Variants in AKAP19 observed in about 807,000 individuals in gnomAD.
AKAP19 encodes small A-kinase anchoring protein.
At chr2:189,964,301 A>G in the AKAP19 span, among the ~76,000 whole-genome samples, 1 of 152,184 alleles carries the variant, frequency 6.6e-6, no homozygotes, top group Non-Finnish European at 1.5e-5. Flanking sequence ...TGCTCTAAAC[A>G]GATGTACTGT....
the AKAP19 span, among the ~76,000 whole-genome samples, chr2:190,186,772 C>A: frequency 4.2e-4 from 64 of 152,238 alleles, no homozygotes; most frequent in African/African-American, 1.5e-3. The surrounding 1 kb of genome is among the most constrained non-coding windows in gnomAD (Gnocchi z 5.5). Context: ...TTCTTAGTAT[C>A]CATTATTAGA....
At chr2:190,062,362 G>A in the AKAP19 span, 1 of 1,613,380 alleles carries the variant, frequency 6.2e-7, no homozygotes, top group Non-Finnish European at 8.5e-7. Context: ...GGTAAAAGTT[G>A]TCTTATAACA....
At chr2:189,958,687 C>T in the AKAP19 span, among the ~76,000 whole-genome samples, 1 of 148,268 alleles carries the variant, frequency 6.7e-6, no homozygotes, top group Admixed American at 6.7e-5. Context: ...TATAAAGAAC[C>T]GAAAAAAAAA....
the AKAP19 span, among the ~76,000 whole-genome samples, chr2:190,126,962 G>A: frequency 6.6e-6 from 1 of 152,040 alleles, no homozygotes; most frequent in South Asian, 2.1e-4. Context: ...AAGCTTAGTG[G>A]AAGCCAGCTG....
At chr2:190,018,654 A>G in the AKAP19 span, among the ~76,000 whole-genome samples, 1 of 151,938 alleles carries the variant, frequency 6.6e-6, no homozygotes, top group African/African-American at 2.4e-5. Context: ...TGCAGGGTCT[A>G]TTTTGGGGGC....
At chr2:190,123,139 G>A in the AKAP19 span, among the ~76,000 whole-genome samples, 1 of 152,068 alleles carries the variant, frequency 6.6e-6, no homozygotes, top group Non-Finnish European at 1.5e-5. Context: ...AAGAAATATA[G>A]CATAAGAACT....
At chr2:189,934,399 TCTAAA>T in the AKAP19 span, among the ~76,000 whole-genome samples, 2 of 152,074 alleles carry the variant, frequency 1.3e-5, no homozygotes, top group African/African-American at 4.8e-5. Flanking sequence ...TGGCCTTTAT[TCTAAA>T]CTAATTTTTG....
the AKAP19 span, among the ~76,000 whole-genome samples, chr2:190,174,644 G>A: frequency 0.12 from 18,543 of 152,022 alleles, 1,318 homozygotes; most frequent in Middle Eastern, 0.26. Context: ...ATACTGAAAG[G>A]CACATATGCC....
the AKAP19 span, among the ~76,000 whole-genome samples, chr2:189,939,931 G>T: frequency 5.9e-5 from 9 of 152,052 alleles, no homozygotes; most frequent in East Asian, 1.9e-4. Context: ...GGATCAGGCT[G>T]GTCAGGAGTT....
At chr2:189,997,853 G>C in the AKAP19 span, among the ~76,000 whole-genome samples, 1 of 152,124 alleles carries the variant, frequency 6.6e-6, no homozygotes, top group Admixed American at 6.5e-5. Context: ...ACAAAGTTCG[G>C]TTGAAAGTTT....
the AKAP19 span, among the ~76,000 whole-genome samples, chr2:189,907,688 G>C: frequency 1.3e-5 from 2 of 151,928 alleles, no homozygotes; most frequent in African/African-American, 4.8e-5. Flanking sequence ...TTGAACAATA[G>C]TGATTTTGTC....
chr2:190,013,906 A>G, the AKAP19 span, among the ~76,000 whole-genome samples: 4 of 151,728 alleles, frequency 2.6e-5, no homozygotes, highest in Non-Finnish European at 4.4e-5. Flanking sequence ...GATTTTTTCT[A>G]TTGTTTTTCT....
the AKAP19 span, among the ~76,000 whole-genome samples, chr2:190,003,850 G>A: frequency 1.3e-5 from 2 of 151,944 alleles, no homozygotes; most frequent in Admixed American, 6.6e-5. Flanking sequence ...CTGGGCGACA[G>A]AGTGAGACTC....
chr2:190,003,361 C>G, the AKAP19 span, among the ~76,000 whole-genome samples: 51 of 151,938 alleles, frequency 3.4e-4, no homozygotes, highest in African/African-American at 1.2e-3. Context: ...TTTATATAAA[C>G]TCTTCTTTTT....
the AKAP19 span, among the ~76,000 whole-genome samples, chr2:190,117,672 A>G: frequency 6.6e-6 from 1 of 152,256 alleles, no homozygotes; most frequent in African/African-American, 2.4e-5. Flanking sequence ...GTTCTATCCA[A>G]TATTTTAAAT....
the AKAP19 span, among the ~76,000 whole-genome samples, chr2:190,164,655 G>A: frequency 6.6e-6 from 1 of 151,716 alleles, no homozygotes; most frequent in Non-Finnish European, 1.5e-5. Context: ...TTTTAATAAT[G>A]CTTCAGTTAA....
the AKAP19 span, among the ~76,000 whole-genome samples, chr2:189,893,193 T>C: frequency 2.0e-5 from 3 of 152,292 alleles, no homozygotes; most frequent in Admixed American, 1.3e-4. Context: ...ATCAGTTAGC[T>C]CACTGGCTTC....
chr2:190,188,444 C>T, the AKAP19 span, among the ~76,000 whole-genome samples: 2 of 152,232 alleles, frequency 1.3e-5, no homozygotes, highest in South Asian at 2.1e-4. Flanking sequence ...ACACCTTCAA[C>T]TGATGACCAT....
At chr2:190,180,896 G>C in the AKAP19 span, 1 of 985,322 alleles carries the variant, frequency 1.0e-6, no homozygotes, top group Non-Finnish European at 1.2e-6. This position sits in a 1 kb window ranked among gnomAD's most constrained non-coding sequence, Gnocchi z 6.8. Context: ...GGGCGCCGGC[G>C]AGAAGGCGGC....
Sources: allele counts gnomAD v4.1 joint callset (sites outside exome capture counted in the v4.1 genomes callset), GRCh38; gene constraint gnomAD v4.1.1; non-coding constraint Gnocchi (gnomAD v3.1); transcripts MANE v1.5; gene names NCBI Gene and HGNC (gene_info 2026-07-23, HGNC 2026-07-21).